The following RARB variants were observed in gnomAD, a reference collection of about 807,000 sequenced individuals.
The protein encoded by RARB is HBV-activated protein.
RARB carries 17 observed loss-of-function variants against 51.9 expected under a neutral mutation model. The observed-to-expected ratio is 0.33, with a 90% CI of 0.22 to 0.49. RARB has a LOEUF of 0.49. Ranked by LOEUF, RARB falls within the 20% of genes least tolerant of loss-of-function variation. The pLI is 0.99. For missense variants in RARB, 369 were observed against 550.8 expected (o/e 0.67, Z 3.30); for synonymous variants, 215 against 195.4 (o/e 1.10, Z -0.84).
chr3:25,499,054 C>A (rs554607395), intron 2 of RARB, among the ~76,000 whole-genome samples: 2 of 152,240 alleles, frequency 1.3e-5, no homozygotes, highest in African/African-American at 2.4e-5. Context: ...GGACTTGCAA[C>A]CTTAAACAAG....
chr3:25,246,654 C>G (rs1702568189), intron 5 of RARB, among the ~76,000 whole-genome samples: 1 of 152,142 alleles, frequency 6.6e-6, no homozygotes. Context: ...GTGGAGGCTG[C>G]AGAAGAGCAA....
At chr3:25,588,851 G>C (rs1701507014) in intron 5 of RARB, among the ~76,000 whole-genome samples, 1 of 152,176 alleles carries the variant, frequency 6.6e-6, no homozygotes, top group African/African-American at 2.4e-5. Flanking sequence ...CAGAGCAAGA[G>C]ATTCAAGAGA....
chr3:25,581,373 G>A (rs540657119), intron 5 of RARB, among the ~76,000 whole-genome samples: 10 of 152,222 alleles, frequency 6.6e-5, no homozygotes, highest in South Asian at 2.1e-4. Context: ...GCCTCCCTGC[G>A]TACATACGTC....
At chr3:25,488,513 T>A (rs1423987996) in intron 2 of RARB, among the ~76,000 whole-genome samples, 1 of 149,330 alleles carries the variant, frequency 6.7e-6, no homozygotes, top group Admixed American at 6.6e-5. Flanking sequence ...GAAAGCAAAA[T>A]TAGGCTGAAA....
At chr3:25,047,151 A>G (rs1254769807) in intron 2 of RARB, among the ~76,000 whole-genome samples, 1 of 152,184 alleles carries the variant, frequency 6.6e-6, no homozygotes, top group African/African-American at 2.4e-5. Context: ...TTTACAGATT[A>G]CTTACAGAAA....
intron 4 of RARB, among the ~76,000 whole-genome samples, chr3:25,158,720 T>C (rs2125345228): frequency 6.6e-6 from 1 of 152,350 alleles, no homozygotes; most frequent in African/African-American, 2.4e-5. Context: ...TCTGCACATT[T>C]CAGCAACTAA....
At chr3:25,163,592 T>G (rs1385461368) in intron 4 of RARB, among the ~76,000 whole-genome samples, 1 of 151,072 alleles carries the variant, frequency 6.6e-6, no homozygotes, top group Non-Finnish European at 1.5e-5. Context: ...AATGTAGTGC[T>G]TTCTAACATT....
intron 5 of RARB, among the ~76,000 whole-genome samples, chr3:25,211,655 C>CT (rs1190781825): frequency 6.6e-6 from 1 of 152,066 alleles, no homozygotes; most frequent in Admixed American, 6.6e-5. Flanking sequence ...GATTGACAAA[C>CT]TTTTTTTTAT....
At chr3:25,338,909 G>C (rs927928890) in intron 5 of RARB, among the ~76,000 whole-genome samples, 1 of 152,094 alleles carries the variant, frequency 6.6e-6, no homozygotes, top group Non-Finnish European at 1.5e-5. Flanking sequence ...TGGCACAGCA[G>C]GGGGCCTTCA....
intron 3 of RARB, among the ~76,000 whole-genome samples, chr3:25,539,787 A>G (rs1373435948): frequency 6.6e-6 from 1 of 151,800 alleles, no homozygotes; most frequent in Admixed American, 6.6e-5. Flanking sequence ...TGCATTACTT[A>G]TTTTGTATCC....
rs781493703 is a variant in RARB at position 25,594,716 on chromosome 3, G to A, written c.1150+38G>A. The A allele has an allele frequency of 2.7e-6, 4 of 1,495,106 alleles. No homozygotes were observed. The South Asian group carries it at 5.6e-5, about 21-fold the overall frequency. The allele number at this position is 1,495,106 out of a possible 1,614,324, so 92.6% of individuals were successfully genotyped here. ...GCTCTCAGTACTGTAGTCACACAGT[G>A]GACTTGAGGGCCTTACCAGGTTGTG... On this transcript the variant is annotated intron_variant, in intron 7 of 7. Transcript: ENST00000330688.
intron 3 of RARB, among the ~76,000 whole-genome samples, chr3:25,515,919 C>T (rs1698141636): frequency 6.6e-6 from 1 of 152,180 alleles, no homozygotes; most frequent in Non-Finnish European, 1.5e-5. Flanking sequence ...TCTTCCTGTG[C>T]ATAGAGAAAT....
chr3:25,455,157 G>A (rs923661559), intron 1 of RARB, among the ~76,000 whole-genome samples: 5 of 152,218 alleles, frequency 3.3e-5, no homozygotes, highest in Admixed American at 3.3e-4. Context: ...GACATTGAGA[G>A]CAAGTGTTTC....
chr3:24,863,139 C>T (rs910074654), intron 2 of RARB, among the ~76,000 whole-genome samples: 5 of 152,204 alleles, frequency 3.3e-5, no homozygotes, highest in African/African-American at 1.2e-4. Flanking sequence ...CATACCCTGT[C>T]CAAATCAGGA....
At chr3:25,014,621 C>T (rs1003428721) in intron 2 of RARB, among the ~76,000 whole-genome samples, 4 of 152,094 alleles carry the variant, frequency 2.6e-5, no homozygotes, top group African/African-American at 4.8e-5. Context: ...GAGCCCTGCC[C>T]ATGTTCCTGA....
chr3:25,149,738 A>C, intron 4 of RARB, among the ~76,000 whole-genome samples: 1 of 151,062 alleles, frequency 6.6e-6, no homozygotes, highest in Non-Finnish European at 1.5e-5. Flanking sequence ...CCTCTGTCCC[A>C]CCTCCCCTCT....
rs1331768482 is a variant in RARB at position 25,081,610 on chromosome 3, TATATATA to T, written c.-328+21435_-328+21441del. Among the ~76,000 whole-genome samples the T allele has an allele frequency of 8.3e-3, 116 of 14,038 alleles. 1 individual carries two copies. The highest frequency in any genetic ancestry group is 0.016 in the African/African-American group (55 of 3,374). The allele number at this position is 14,038 out of a possible 152,430, so 9.2% of individuals were successfully genotyped here. A position where few individuals can be genotyped will look rare whatever the true frequency, so the allele number is the denominator to read the frequency against. Reference sequence around the variant, plus strand: ...ACATATATATATATATATATATATATATATATATATATTTTTTTTTTTTTTTTTTTTT... The same window carrying T: ...ACATATATATATATATATATATATATTATATTTTTTTTTTTTTTTTTTTTT... On this transcript the variant is annotated intron_variant, in intron 3 of 11. Transcript: ENST00000383772.
intron 3 of RARB, among the ~76,000 whole-genome samples, chr3:25,562,566 A>G (rs1465759091): frequency 6.6e-6 from 1 of 152,228 alleles, no homozygotes; most frequent in Non-Finnish European, 1.5e-5. Flanking sequence ...TCAGGGGTTC[A>G]TGTCATCCCT....
intron 5 of RARB, among the ~76,000 whole-genome samples, chr3:25,419,697 C>G (rs992161402): frequency 6.6e-6 from 1 of 152,112 alleles, no homozygotes; most frequent in African/African-American, 2.4e-5. Flanking sequence ...GGTGTGAAGC[C>G]CTGGAAGCAC....
Sources: allele counts gnomAD v4.1 joint callset (sites outside exome capture counted in the v4.1 genomes callset), GRCh38; gene constraint gnomAD v4.1.1; transcripts MANE v1.5; gene names NCBI Gene and HGNC (gene_info 2026-07-23, HGNC 2026-07-21).